Variants in VPS13D observed in about 807,000 individuals in gnomAD.
The protein encoded by VPS13D is vacuolar protein sorting 13 homolog D.
A neutral mutation model predicts 461.9 loss-of-function variants in VPS13D; 187 were observed. The ratio of observed to expected loss-of-function variants is 0.40; its 90% CI spans 0.36 to 0.46. VPS13D has a LOEUF of 0.46. VPS13D is among the 20% of genes least tolerant of loss of function. The pLI, the probability that VPS13D is intolerant of heterozygous loss-of-function variation, is 0.60. For synonymous variants in VPS13D, 1,951 were observed against 1,986.3 expected (o/e 0.98, Z 0.47); for missense variants, 4,711 against 5,364.9 (o/e 0.88, Z 3.81).
chr1:12,408,268 C>CATAT (rs776011211), intron 63 of VPS13D, among the ~76,000 whole-genome samples: 4 of 152,112 alleles, frequency 2.6e-5, no homozygotes, highest in African/African-American at 7.2e-5. Flanking sequence ...AGTAGCTAGC[C>CATAT]ATATGACTTT....
rs139693867 is a variant in VPS13D at position 12,475,895 on chromosome 1, A to C, written c.12662+15499A>C. ...GGCCAAGAAATCAATGTTTAAAAAA[A>C]AAAAAACAAAAAACAAAAAAACACC... is the stretch of plus-strand genomic sequence containing the variant. On this transcript the variant is annotated intron_variant, in intron 67 of 69. Coordinates refer to ENST00000620676, the MANE Select transcript of VPS13D (RefSeq NM_015378.4). 7.2e-3 allele frequency among the ~76,000 whole-genome samples: 1,098 copies of C among 152,336 alleles called. 7 individuals are homozygous for C. The highest frequency in any genetic ancestry group is 0.015 in the South Asian group (73 of 4,830).
chr1:12,271,145 A>T (rs993282537), intron 17 of VPS13D, 21 bp downstream of exon 17: 1 of 1,613,050 alleles, frequency 6.2e-7, no homozygotes, highest in Admixed American at 1.7e-5. Context: ...ATCCATAAAC[A>T]CTCTTTGGGG....
At chr1:12,237,517 C>G (rs1043114959) in intron 2 of VPS13D, among the ~76,000 whole-genome samples, 1 of 148,760 alleles carries the variant, frequency 6.7e-6, no homozygotes, top group Non-Finnish European at 1.5e-5. Context: ...CTTGTTCAGT[C>G]ATTCAAAAAC....
chr1:12,385,119 T>G, intron 58 of VPS13D, 141 bp from the exon 59 acceptor site: 1 of 660,948 alleles, frequency 1.5e-6, no homozygotes, highest in Non-Finnish European at 2.6e-6. Context: ...AATCTTACCT[T>G]ACCAGTGCTT....
At position 12,256,201 on chromosome 1, in the gene VPS13D, C is replaced by G. The variant is rs191412912; in HGVS notation, c.670-132C>G. On this transcript the variant is annotated intron_variant, in intron 7 of 69. Transcript: ENST00000620676. The stretch of plus-strand genomic sequence containing the variant: ...TAAAAATGAATAAAAACAAAACAGA[C>G]AAAAATATTTGCCGCTGTGACACAG... The G allele has an allele frequency of 3.9e-6, 4 of 1,028,396 alleles. No homozygotes were observed. The East Asian group carries it at 7.3e-5, about 19-fold the overall frequency. The allele number at this position is 1,028,396 out of a possible 1,614,324, so 63.7% of individuals were successfully genotyped here. A position where few individuals can be genotyped will look rare whatever the true frequency, so the allele number is the denominator to read the frequency against.
In VPS13D at chr1:12,505,229, CCT is replaced by C. The variant is rs1029610254; in HGVS notation, c.12795-1619_12795-1618del. Among the ~76,000 whole-genome samples, 11 of 152,120 alleles carry C rather than the reference CCT, an allele frequency of 7.2e-5. No homozygotes were observed. The highest frequency in any genetic ancestry group is 1.5e-4 in the Non-Finnish European group (10 of 68,024). Reference sequence around the variant, plus strand: ...TCTCTGTGTCAGGATCATTTTTATCCCTCTCTGTCTGTCTTTCTGTCTTTCCC... The same window carrying C: ...TCTCTGTGTCAGGATCATTTTTATCCCTCTGTCTGTCTTTCTGTCTTTCCC... On this transcript the variant is annotated intron_variant, in intron 68 of 69. Transcript: ENST00000620676. The surrounding 1 kb of genome is among the most constrained non-coding windows in gnomAD (Gnocchi z 4.2).
chr1:12,353,915 A>AG (rs1643864322), intron 46 of VPS13D, 59 bp from the exon 47 acceptor site: 1 of 1,554,440 alleles, frequency 6.4e-7, no homozygotes, highest in South Asian at 1.2e-5. Flanking sequence ...TTAGCTAAGG[A>AG]GAAAAAATTT....
chr1:12,274,041 G>GT (rs1225778334), intron 18 of VPS13D, among the ~76,000 whole-genome samples: 1 of 151,964 alleles, frequency 6.6e-6, no homozygotes, highest in African/African-American at 2.4e-5. Context: ...GTACCAAATT[G>GT]TTTTTGTTTG....
chr1:12,240,595 C>CAAAAA, intron 2 of VPS13D, among the ~76,000 whole-genome samples: 1 of 43,040 alleles, frequency 2.3e-5, no homozygotes, highest in Non-Finnish European at 4.9e-5. Context: ...GATTCCATCT[C>CAAAAA]AAAAAAAAAA....
rs1342842820 is a variant in VPS13D at position 12,438,150 on chromosome 1, G to A, written c.12334-17848G>A. Among the ~76,000 whole-genome samples, 3 of 152,156 alleles carry A rather than the reference G, an allele frequency of 2.0e-5. No homozygotes were observed. In the South Asian group the frequency reaches 6.2e-4, roughly 32 times the overall value. On this transcript the variant is annotated intron_variant, in intron 65 of 69. Transcript: ENST00000620676. ...CTGAGTCTCTGTTATAGGACTTAGA[G>A]AAATTTTCTTATACTATGGACTGAA...
chr1:12,389,505 C>A (rs190314180), intron 60 of VPS13D, among the ~76,000 whole-genome samples: 10 of 152,200 alleles, frequency 6.6e-5, no homozygotes, highest in Non-Finnish European at 1.2e-4. Flanking sequence ...GATATGAAGT[C>A]AATAAATCTA....
intron 16 of VPS13D, 43 bp from the exon 17 acceptor site, chr1:12,270,951 C>A: frequency 6.2e-7 from 1 of 1,603,854 alleles, no homozygotes; most frequent in Non-Finnish European, 8.5e-7. Flanking sequence ...TTCACCCAGC[C>A]GTGTGAAAAT....
Position 12,497,574 on chromosome 1 carries a change from G to C in VPS13D, c.12737G>C (p.Ser4246Thr). The stretch of plus-strand genomic sequence containing the variant: ...GGGCTGCTTCCCCGATATTCTGAGA[G>C]CCAGGCGGAAGGACAGGAGCAGCTC... ...PQGLLPRYSE[S>T]QAEGQEQLFK... The change falls in exon 68 of 70, where the codon AGC becomes ACC. Residue 4246 changes from serine to threonine, a missense_variant. Ser to Thr is a moderately conservative substitution (Grantham distance 58). This residue lies in a region of VPS13D where 194 missense variants were observed against 220.9 expected (regional missense o/e 0.88). Transcript: ENST00000620676. The C allele has an allele frequency of 6.2e-7, 1 of 1,614,092 alleles. No individual in the cohort carries two copies. The highest frequency in any genetic ancestry group is 8.5e-7 in the Non-Finnish European group (1 of 1,180,006).
intron 40 of VPS13D, among the ~76,000 whole-genome samples, chr1:12,340,837 T>TTGC (rs1404958958): frequency 6.6e-6 from 1 of 152,208 alleles, no homozygotes; most frequent in African/African-American, 2.4e-5. Context: ...TCACACTGGT[T>TTGC]TGCTGCTGCT....
chr1:12,247,417 A>C (rs1048173091), intron 5 of VPS13D, among the ~76,000 whole-genome samples: 3 of 144,102 alleles, frequency 2.1e-5, no homozygotes, highest in African/African-American at 7.6e-5. Flanking sequence ...ACTCCATCTC[A>C]AAAAAAAAAA....
intron 60 of VPS13D, among the ~76,000 whole-genome samples, chr1:12,389,391 G>A (rs920733207): frequency 1.3e-5 from 2 of 152,076 alleles, no homozygotes; most frequent in African/African-American, 4.8e-5. Flanking sequence ...AGATTATAAG[G>A]TCATAATTAC....
intron 63 of VPS13D, among the ~76,000 whole-genome samples, chr1:12,410,217 G>A (rs1188273856): frequency 6.6e-6 from 1 of 152,234 alleles, no homozygotes; most frequent in African/African-American, 2.4e-5. Flanking sequence ...AAAAGTGGCA[G>A]CTAAGAGGCT....
rs149410370 is a variant in VPS13D, at chr1:12,458,416, G to A, written c.12467-1785G>A. 2.4e-4 allele frequency among the ~76,000 whole-genome samples: 37 copies of A among 152,224 alleles called. 1 individual carries two copies. In the East Asian group the frequency reaches 6.9e-3, roughly 29 times the overall value. ...CCAAAAACTTTGTTCAAAAGTTTGG[G>A]AAAGGGCTGGGTGCAGTGGCTCAGG... On this transcript the variant is annotated intron_variant, in intron 66 of 69. Transcript: ENST00000620676.
rs192650993 is a variant in VPS13D at position 12,466,161 on chromosome 1, A to G, written c.12662+5765A>G. On this transcript the variant is annotated intron_variant, in intron 67 of 69. Coordinates refer to ENST00000620676, the MANE Select transcript of VPS13D (RefSeq NM_015378.4). ...AAAAAAAAAAAAATAGTCTGCAAAG[A>G]GAACTTAGGAAATGCTTCCATTAAC... is the stretch of plus-strand genomic sequence containing the variant. Among the ~76,000 whole-genome samples the G allele has an allele frequency of 2.6e-3, 396 of 151,988 alleles. 4 individuals carry two copies. The highest frequency in any genetic ancestry group is 7.7e-4 in the East Asian group (4 of 5,176).
Sources: gnomAD v4.1 joint callset for allele counts (sites outside exome capture counted in the v4.1 genomes callset) on GRCh38, gnomAD v4.1.1 for gene constraint, gnomAD v4.1.1 regional missense constraint, Gnocchi (gnomAD v3.1) non-coding constraint, MANE v1.5 for transcripts, NCBI Gene and HGNC (gene_info 2026-07-23, HGNC 2026-07-21) for gene names.